ZDHHC5: variants seen among roughly 807,000 people sequenced by gnomAD.
ZDHHC5 encodes zDHHC palmitoyltransferase 5.
In ZDHHC5, 22 loss-of-function variants were observed where a neutral mutation model predicts 70.0. The ratio of observed to expected loss-of-function variants is 0.31; its 90% CI spans 0.22 to 0.45. The LOEUF (loss-of-function observed/expected upper bound fraction) is 0.45. Ranked by LOEUF, ZDHHC5 falls within the 20% of genes least tolerant of loss-of-function variation. ZDHHC5 has a pLI of 1.00. For synonymous variants in ZDHHC5, 313 were observed against 347.8 expected (o/e 0.90, Z 1.11); for missense variants, 746 against 926.9 (o/e 0.80, Z 2.53).
At chr11:57,683,763 G>C (rs1214591012) in intron 3 of ZDHHC5, among the ~76,000 whole-genome samples, 1 of 152,102 alleles carries the variant, frequency 6.6e-6, no homozygotes, top group Admixed American at 6.6e-5. Flanking sequence ...GGTTAGACCT[G>C]ATCAGCACTG....
rs1411246975 is a variant in ZDHHC5 at position 57,668,206 on chromosome 11, G to C, written c.-1071+19G>C. 9 of 361,140 alleles carry C rather than the reference G, an allele frequency of 2.5e-5. No individual in the cohort carries two copies. The highest frequency in any genetic ancestry group is 4.5e-5 in the Non-Finnish European group (9 of 202,230). The allele number at this position is 361,140 out of a possible 1,614,324, so 22.4% of individuals were successfully genotyped here. ...CTCGCGGGTGAGTGCGGAGGACACCGGTCCCTGCGGAACCGGAAGTGCCGT... is the reference window on the plus strand; with the variant it reads ...CTCGCGGGTGAGTGCGGAGGACACCCGTCCCTGCGGAACCGGAAGTGCCGT... On this transcript the variant is annotated intron_variant, in intron 1 of 11. Transcript: ENST00000287169.
rs556659362 is a variant in ZDHHC5 at position 57,689,803 on chromosome 11, A to G, written c.385-228A>G. Among the ~76,000 whole-genome samples, 49 of 152,022 alleles carry G rather than the reference A, an allele frequency of 3.2e-4. No homozygotes were observed. The East Asian group carries it at 9.1e-3, about 28-fold the overall frequency. On this transcript the variant is annotated intron_variant, in intron 4 of 11. Transcript: ENST00000287169. ...CCTGGGCTCAAGCCCCAGCCCCCCA[A>G]GTAGCTGGGACTACAAGTGTGCACC...
In ZDHHC5 at chr11:57,686,837, T is replaced by G. The variant is rs536065128; in HGVS notation, c.227-1671T>G. Among the ~76,000 whole-genome samples the G allele has an allele frequency of 1.5e-4, 23 of 151,604 alleles. 1 individual carries two copies. The East Asian group carries it at 4.4e-3, about 29-fold the overall frequency. On this transcript the variant is annotated intron_variant, in intron 3 of 11. Transcript: ENST00000287169. ...TATATATTTGTGTGTGTGTGTGTTT[T>G]TTTTTTTTTTCCAGACAGTGTCTTA...
At position 57,700,906 on chromosome 11, in the gene ZDHHC5, T is replaced by A. The variant is rs1946434772; in HGVS notation, c.*875T>A. 1 of 152,676 alleles carries A rather than the reference T, an allele frequency of 6.5e-6. No homozygotes were observed. The highest frequency in any genetic ancestry group is 1.5e-5 in the Non-Finnish European group (1 of 68,070). The allele number at this position is 152,676 out of a possible 1,614,324, so 9.5% of individuals were successfully genotyped here. A position where few individuals can be genotyped will look rare whatever the true frequency, so the allele number is the denominator to read the frequency against. On this transcript the variant is annotated 3_prime_UTR_variant, in exon 12 of 12. Transcript: ENST00000287169. ...CTAGCTTACACAGTTAACTTGATTT[T>A]AAAATCCAAGGCCAGGAGAGAAGAA...
rs367986917 is a variant in ZDHHC5 at position 57,700,064 on chromosome 11, C to T, written c.*33C>T. 44 of 1,527,908 alleles carry T rather than the reference C, an allele frequency of 2.9e-5. No homozygotes were observed. Among genetic ancestry groups the T allele is most frequent in the African/African-American group, 5.5e-5 (4 of 72,106 alleles). 94.6% of individuals were successfully genotyped at this position (1,527,908 alleles called of 1,614,324 possible). A position where few individuals can be genotyped will look rare whatever the true frequency, so the allele number is the denominator to read the frequency against. The stretch of plus-strand genomic sequence containing the variant: ...GCACCTCCCCTCCCCAACGCCTCTG[C>T]GCCTACACCAAAGGGCCCCAGGTGG... On this transcript the variant is annotated 3_prime_UTR_variant, in exon 12 of 12. Coordinates refer to ENST00000287169, the MANE Select transcript of ZDHHC5 (RefSeq NM_015457.3).
chr11:57,693,748 G>T (rs954682898), intron 7 of ZDHHC5, 35 bp from the exon 8 acceptor site: 2 of 1,517,348 alleles, frequency 1.3e-6, no homozygotes, highest in African/African-American at 2.8e-5. Context: ...AAGCTCTCTC[G>T]CTGTGTCTCT....
intron 2 of ZDHHC5, among the ~76,000 whole-genome samples, chr11:57,676,516 G>A (rs528968338): frequency 5.1e-4 from 77 of 152,296 alleles, no homozygotes; most frequent in African/African-American, 1.8e-3. Context: ...CTCTTTGGGG[G>A]AGGTCAGGAG....
intron 1 of ZDHHC5, among the ~76,000 whole-genome samples, chr11:57,671,351 A>G (rs938081718): frequency 1.3e-5 from 2 of 152,232 alleles, no homozygotes; most frequent in African/African-American, 4.8e-5. Flanking sequence ...GGTGGGGCTC[A>G]GTTACCTTAG....
rs779997555 is a variant in ZDHHC5, at chr11:57,699,320, C to A, written c.1884C>A (p.Ala628=). Residue 628 remains alanine (A), a synonymous_variant, in exon 11 of 12, where the codon GCC becomes GCA. Coordinates refer to ENST00000287169, the MANE Select transcript of ZDHHC5 (RefSeq NM_015457.3). ...GVGSPEPGPT[A]PYLGRSMSYS... ...GGTCCCCTGAACCAGGCCCAACAGCCCCATACCTGGGCCGATCGATGTCTT... is the reference window on the plus strand; with the variant it reads ...GGTCCCCTGAACCAGGCCCAACAGCACCATACCTGGGCCGATCGATGTCTT... 6.2e-7 allele frequency: 1 copy of A among 1,614,076 alleles called. No individual in the cohort carries two copies. Among genetic ancestry groups the A allele is most frequent in the South Asian group, 1.1e-5 (1 of 91,070 alleles).
chr11:57,698,188 GGGAA>G (rs1212667755), intron 10 of ZDHHC5, among the ~76,000 whole-genome samples: 2 of 151,514 alleles, frequency 1.3e-5, no homozygotes, highest in Non-Finnish European at 2.9e-5. Flanking sequence ...AGAAGATTAG[GGGAA>G]GGAAAAGGCA....
chr11:57,671,950 G>A (rs997672006), intron 1 of ZDHHC5, 71 bp from the exon 2 acceptor site: 11 of 307,542 alleles, frequency 3.6e-5, no homozygotes, highest in Non-Finnish European at 6.5e-5. Context: ...AGCAGCCTGT[G>A]GAATTTTAGC....
chr11:57,694,446 C>T (rs914876068), intron 8 of ZDHHC5, among the ~76,000 whole-genome samples: 2 of 151,996 alleles, frequency 1.3e-5, no homozygotes, highest in African/African-American at 2.4e-5. Flanking sequence ...ACTGCAACCT[C>T]TGCCTCCCAG....
intron 3 of ZDHHC5, 135 bp downstream of exon 3, chr11:57,682,678 G>A: frequency 8.8e-7 from 1 of 1,133,382 alleles, no homozygotes; most frequent in South Asian, 1.9e-5. Context: ...GGCATACGCA[G>A]TTGATCTTGG....
chr11:57,693,948 A>G, intron 8 of ZDHHC5, 33 bp downstream of exon 8: 1 of 1,582,660 alleles, frequency 6.3e-7, no homozygotes. Context: ...GCTAGATAAC[A>G]TGGAAGTCTC....
intron 2 of ZDHHC5, among the ~76,000 whole-genome samples, chr11:57,679,089 C>G (rs1946112651): frequency 6.6e-6 from 1 of 152,162 alleles, no homozygotes; most frequent in Admixed American, 6.5e-5. Context: ...AGGGAGTGCT[C>G]TGAAACAGGG....
At chr11:57,685,348 G>A (rs187187385) in intron 3 of ZDHHC5, among the ~76,000 whole-genome samples, 13 of 152,140 alleles carry the variant, frequency 8.5e-5, no homozygotes, top group African/African-American at 2.9e-4. Context: ...GTCATTTGGG[G>A]TTTTTAAGAA....
rs138763727 is a variant in ZDHHC5 at position 57,690,638 on chromosome 11, C to T, written c.660+201C>T. 5.9e-5 allele frequency among the ~76,000 whole-genome samples: 9 copies of T among 152,248 alleles called. No homozygotes were observed. In the East Asian group the frequency reaches 1.7e-3, roughly 29 times the overall value. ...CCATGTAAGAATAGAGGCCATTTCT[C>T]ACATATACACCATGGAATACTATGC... On this transcript the variant is annotated intron_variant, in intron 6 of 11. Transcript: ENST00000287169.
At chr11:57,696,173 G>C in intron 9 of ZDHHC5, 130 bp downstream of exon 9, 1 of 1,382,674 alleles carries the variant, frequency 7.2e-7, no homozygotes, top group Non-Finnish European at 9.5e-7. Flanking sequence ...CCCAACAGTT[G>C]GTACTTGTGC....
At position 57,677,432 on chromosome 11, in the gene ZDHHC5, G is replaced by A. The variant is rs1047419214; in HGVS notation, c.104+4238G>A. The stretch of plus-strand genomic sequence containing the variant: ...CTCCTGAGTAGCTGGAATTACAGGC[G>A]CCTGCCACTAAGCCCAGCTAATTTT... On this transcript the variant is annotated intron_variant, in intron 2 of 11. Coordinates refer to ENST00000287169, the MANE Select transcript of ZDHHC5 (RefSeq NM_015457.3). Among the ~76,000 whole-genome samples, 6 of 151,662 alleles carry A rather than the reference G, an allele frequency of 4.0e-5. No individual in the cohort carries two copies. In the East Asian group the frequency reaches 5.8e-4, roughly 15 times the overall value.
Sources: gnomAD v4.1 joint callset for allele counts (sites outside exome capture counted in the v4.1 genomes callset) on GRCh38, gnomAD v4.1.1 for gene constraint, MANE v1.5 for transcripts, NCBI Gene and HGNC (gene_info 2026-07-23, HGNC 2026-07-21) for gene names.